PIK3CA: variants seen among roughly 807,000 people sequenced by gnomAD.
PIK3CA encodes the protein phosphatidylinositol-4,5-bisphosphate 3-kinase catalytic subunit alpha.
In PIK3CA, 27 loss-of-function variants were observed where a neutral mutation model predicts 138.2. The observed-to-expected ratio is 0.20, with a 90% CI of 0.14 to 0.27. PIK3CA has a LOEUF of 0.27. Ranked by LOEUF, PIK3CA falls within the 10% of genes least tolerant of loss-of-function variation. PIK3CA has a pLI of 1.00. For missense variants in PIK3CA, 544 were observed against 1,277.4 expected, an observed-to-expected ratio of 0.43 and a Z score of 8.75; for synonymous variants, 358 against 413.2, an observed-to-expected ratio of 0.87 and a Z score of 1.62.
intron 9 of PIK3CA, among the ~76,000 whole-genome samples, chr3:179,215,987 C>T (rs1724828187): frequency 1.3e-5 from 2 of 152,244 alleles, no homozygotes; most frequent in Admixed American, 6.5e-5. Context: ...CTACTGCAGG[C>T]CAGTAGTGCC....
chr3:179,180,404 TCTC>T (rs771182190), intron 1 of PIK3CA, among the ~76,000 whole-genome samples: 1 of 152,184 alleles, frequency 6.6e-6, no homozygotes, highest in African/African-American at 2.4e-5. Flanking sequence ...TGAGTGTTTT[TCTC>T]CTCCTTTCCT....
At chr3:179,174,895 T>C (rs1723656935) in intron 1 of PIK3CA, among the ~76,000 whole-genome samples, 1 of 152,258 alleles carries the variant, frequency 6.6e-6, no homozygotes. Context: ...TGTCTGAATT[T>C]GTCTTTCCAT....
rs1560145116 is a variant in PIK3CA, at chr3:179,219,121, A to T, written c.1665-75A>T. On this transcript the variant is annotated intron_variant, in intron 10 of 20. Coordinates refer to ENST00000263967, the MANE Select transcript of PIK3CA (RefSeq NM_006218.4). The surrounding 1 kb of genome is among the most constrained non-coding windows in gnomAD (Gnocchi z 4.2). Reference sequence around the variant, plus strand: ...TTTGGGACTTCTTAAGAAGATTCATATGGAGAAGTTAGACATGTCAACCTT... The same window carrying T: ...TTTGGGACTTCTTAAGAAGATTCATTTGGAGAAGTTAGACATGTCAACCTT... 1.2e-6 allele frequency: 1 copy of T among 816,438 alleles called. No individual in the cohort carries two copies. The highest frequency in any genetic ancestry group is 1.7e-5 in the African/African-American group (1 of 58,458). 50.6% of individuals were successfully genotyped at this position (816,438 alleles called of 1,614,324 possible). A position where few individuals can be genotyped will look rare whatever the true frequency, so the allele number is the denominator to read the frequency against.
chr3:179,229,795 GA>G (rs1725172137), intron 18 of PIK3CA, among the ~76,000 whole-genome samples: 1 of 152,022 alleles, frequency 6.6e-6, no homozygotes, highest in South Asian at 2.1e-4. Context: ...TTCACATGAA[GA>G]ATTATGCTTT....
chr3:179,232,801 G>A (rs1270795960), intron 20 of PIK3CA, among the ~76,000 whole-genome samples: 1 of 151,952 alleles, frequency 6.6e-6, no homozygotes, highest in Non-Finnish European at 1.5e-5. Flanking sequence ...GCTGATTTGT[G>A]TACACTGATT....
chr3:179,212,726 C>A (rs568860532), intron 9 of PIK3CA, among the ~76,000 whole-genome samples: 1 of 152,138 alleles, frequency 6.6e-6, no homozygotes, highest in Non-Finnish European at 1.5e-5. Flanking sequence ...CAGGTGTGAG[C>A]CATCATGCCC....
At chr3:179,183,704 G>A (rs1056772420) in intron 1 of PIK3CA, among the ~76,000 whole-genome samples, 5 of 152,200 alleles carry the variant, frequency 3.3e-5, no homozygotes, top group African/African-American at 1.2e-4. Flanking sequence ...AAGGAAATCA[G>A]TCCAAGGACA....
chr3:179,152,582 A>C (rs190796129), intron 1 of PIK3CA, among the ~76,000 whole-genome samples: 1 of 152,282 alleles, frequency 6.6e-6, no homozygotes, highest in East Asian at 1.9e-4. Flanking sequence ...TGTTGAATTA[A>C]ATGAGATAAT....
chr3:179,203,066 A>G (rs1003202818), intron 4 of PIK3CA, among the ~76,000 whole-genome samples: 1 of 147,776 alleles, frequency 6.8e-6, no homozygotes, highest in African/African-American at 2.5e-5. Context: ...TCAGCCTCCC[A>G]AGTAGCTGGG....
chr3:179,193,641 C>T (rs2699891), intron 1 of PIK3CA, among the ~76,000 whole-genome samples: 28,240 of 152,226 alleles, frequency 0.19, 2,952 homozygotes, highest in Non-Finnish European at 0.25. Flanking sequence ...ATTGTGCACA[C>T]GCACACACAC....
chr3:179,194,260 G>C (rs965077169), intron 1 of PIK3CA, among the ~76,000 whole-genome samples: 13 of 152,050 alleles, frequency 8.5e-5, no homozygotes, highest in African/African-American at 2.9e-4. Context: ...GTCTTGCTCT[G>C]TTGCCCAGGC....
At chr3:179,225,940 A>G in intron 16 of PIK3CA, 22 bp from the exon 17 acceptor site, 1 of 1,258,924 alleles carries the variant, frequency 7.9e-7, no homozygotes, top group Non-Finnish European at 1.2e-6. Flanking sequence ...TTAAATGGTG[A>G]TACATATTAT....
rs1165904559 is a variant in PIK3CA, at chr3:179,240,009, T to G, written c.*5645T>G. ...CTGTGACTGCACTTACTGTTTATGCTCATCAGAAACTGTCAATGTCTGCTT... is the reference window on the plus strand; with the variant it reads ...CTGTGACTGCACTTACTGTTTATGCGCATCAGAAACTGTCAATGTCTGCTT... On this transcript the variant is annotated 3_prime_UTR_variant, in exon 21 of 21. Coordinates refer to ENST00000263967, the MANE Select transcript of PIK3CA (RefSeq NM_006218.4). 6.5e-7 allele frequency: 1 copy of G among 1,546,268 alleles called. No individual in the cohort carries two copies. The highest frequency in any genetic ancestry group is 8.7e-7 in the Non-Finnish European group (1 of 1,144,112).
chr3:179,232,411 G>C (rs987184637), intron 20 of PIK3CA, among the ~76,000 whole-genome samples: 1 of 151,982 alleles, frequency 6.6e-6, no homozygotes, highest in Non-Finnish European at 1.5e-5. Flanking sequence ...AGATCAGTTC[G>C]TTGTAAGTTT....
chr3:179,162,965 C>T (rs767309680), intron 1 of PIK3CA, among the ~76,000 whole-genome samples: 13 of 151,748 alleles, frequency 8.6e-5, no homozygotes, highest in South Asian at 4.2e-4. Flanking sequence ...AAGGACAGAG[C>T]GCTAACCCTG....
rs1386586410 is a variant in PIK3CA at position 179,235,299 on chromosome 3, T to C, written c.*935T>C. 5.6e-6 allele frequency: 1 copy of C among 178,452 alleles called. No individual in the cohort carries two copies. Among genetic ancestry groups the C allele is most frequent in the African/African-American group, 2.4e-5 (1 of 42,308 alleles). 11.1% of individuals were successfully genotyped at this position (178,452 alleles called of 1,614,324 possible). ...ATGTTATTAAAAAGATTATTTTTTT[T>C]ATTAAAGGCTATTTATATTATAGAA... On this transcript the variant is annotated 3_prime_UTR_variant, in exon 21 of 21. Coordinates refer to ENST00000263967, the MANE Select transcript of PIK3CA (RefSeq NM_006218.4).
In PIK3CA at chr3:179,220,313, T is replaced by G. The variant is rs567436374; in HGVS notation, c.2015+261T>G. On this transcript the variant is annotated intron_variant, in intron 13 of 20. Transcript: ENST00000263967. This position sits in a 1 kb window ranked among gnomAD's most constrained non-coding sequence, Gnocchi z 4.1. Reference sequence around the variant, plus strand: ...GATTTTTGTTCTACTTAAGTCAAATTTTCTAGGTCCAGATGAATATTGCTG... The same window carrying G: ...GATTTTTGTTCTACTTAAGTCAAATGTTCTAGGTCCAGATGAATATTGCTG... Among the ~76,000 whole-genome samples, 5 of 152,278 alleles carry G rather than the reference T, an allele frequency of 3.3e-5. No individual in the cohort carries two copies. In the South Asian group the frequency reaches 8.3e-4, roughly 25 times the overall value.
chr3:179,201,260 G>A (rs2108389203), intron 3 of PIK3CA, 30 bp from the exon 4 acceptor site: 1 of 1,571,678 alleles, frequency 6.4e-7, no homozygotes, highest in Non-Finnish European at 8.7e-7. Flanking sequence ...AAGAGAGATG[G>A]TGATTGCATC....
At chr3:179,167,374 ACTAT>A (rs2108359532) in intron 1 of PIK3CA, among the ~76,000 whole-genome samples, 1 of 152,126 alleles carries the variant, frequency 6.6e-6, no homozygotes. Context: ...AGCTTCTGTT[ACTAT>A]CTTTCTACTT....
Sources: gnomAD v4.1 joint callset for allele counts (sites outside exome capture counted in the v4.1 genomes callset) on GRCh38, gnomAD v4.1.1 for gene constraint, Gnocchi (gnomAD v3.1) non-coding constraint, MANE v1.5 for transcripts, NCBI Gene and HGNC (gene_info 2026-07-23, HGNC 2026-07-21) for gene names.